PTPRD: variants seen among roughly 807,000 people sequenced by gnomAD.
The protein encoded by PTPRD is receptor-type tyrosine-protein phosphatase delta.
PTPRD carries 34 observed loss-of-function variants against 214.5 expected under a neutral mutation model. That is an observed-to-expected ratio of 0.16 (90% CI 0.12 to 0.21). The LOEUF is 0.21. Among genes scored for constraint, PTPRD ranks in the 10% least tolerant of loss-of-function variants. PTPRD has a pLI of 1.00. For missense variants in PTPRD, 2,545 were observed against 2,398.7 expected, an observed-to-expected ratio of 1.06 and a Z score of -1.27; for synonymous variants, 1,128 against 845.7, an observed-to-expected ratio of 1.33 and a Z score of -5.79.
intron 9 of PTPRD, among the ~76,000 whole-genome samples, chr9:9,279,242 A>T (rs1485205023): frequency 6.7e-6 from 1 of 150,104 alleles, no homozygotes; most frequent in East Asian, 2.0e-4. Context: ...ATATATCTAT[A>T]TAAGAATATG....
intron 9 of PTPRD, among the ~76,000 whole-genome samples, chr9:9,396,987 A>C (rs903422181): frequency 1.3e-5 from 2 of 152,060 alleles, no homozygotes; most frequent in Non-Finnish European, 2.9e-5. Context: ...CCAATGAATA[A>C]TCATAGCAAT....
Position 8,889,924 on chromosome 9 carries a change from T to C in PTPRD, c.-104+128773A>G, listed in dbSNP as rs535026558. Among the ~76,000 whole-genome samples, 171 of 152,342 alleles carry C rather than the reference T, an allele frequency of 1.1e-3. 1 individual carries two copies. The highest frequency in any genetic ancestry group is 3.5e-3 in the African/African-American group (144 of 41,592). The stretch of plus-strand genomic sequence containing the variant: ...CAAATTGTGCTGCTATAAACATGCA[T>C]GTGCAAGTGTCTCTTTCATATAATG... On this transcript the variant is annotated intron_variant, in intron 11 of 45. Coordinates refer to ENST00000381196, the MANE Select transcript of PTPRD (RefSeq NM_002839.4).
At chr9:10,292,061 A>G (rs2095542250) in intron 3 of PTPRD, among the ~76,000 whole-genome samples, 1 of 152,060 alleles carries the variant, frequency 6.6e-6, no homozygotes, top group East Asian at 1.9e-4. Flanking sequence ...TTTGGTCCCT[A>G]TATTATGAAA....
At chr9:8,555,868 C>T (rs961292586) in intron 14 of PTPRD, among the ~76,000 whole-genome samples, 15 of 152,128 alleles carry the variant, frequency 9.9e-5, no homozygotes, top group African/African-American at 2.9e-4. Context: ...CACTGGACCA[C>T]GGGTCAAGGT....
intron 9 of PTPRD, among the ~76,000 whole-genome samples, chr9:9,189,864 G>C (rs992197189): frequency 1.3e-5 from 2 of 151,878 alleles, no homozygotes; most frequent in Non-Finnish European, 2.9e-5. Flanking sequence ...ATCTTTCCAG[G>C]AATATGGTCA....
chr9:8,829,653 C>T (rs1005769549), intron 11 of PTPRD, among the ~76,000 whole-genome samples: 1 of 152,108 alleles, frequency 6.6e-6, no homozygotes, highest in Non-Finnish European at 1.5e-5. Context: ...CATCAACTAC[C>T]TCCTGGGAGC....
intron 7 of PTPRD, among the ~76,000 whole-genome samples, chr9:9,635,137 C>T (rs931223579): frequency 2.6e-5 from 4 of 152,098 alleles, no homozygotes; most frequent in South Asian, 4.1e-4. Flanking sequence ...CATCTGTAGC[C>T]ACACAAACTG....
intron 10 of PTPRD, among the ~76,000 whole-genome samples, chr9:9,064,042 C>G (rs2099717012): frequency 6.6e-6 from 1 of 152,076 alleles, no homozygotes; most frequent in Non-Finnish European, 1.5e-5. Context: ...CAAAAGATAT[C>G]AGCTGAGTGC....
intron 2 of PTPRD, among the ~76,000 whole-genome samples, chr9:10,421,858 T>C (rs1158431314): frequency 2.0e-5 from 3 of 151,966 alleles, no homozygotes; most frequent in East Asian, 1.9e-4. Context: ...ATTTTATTCA[T>C]ATGCCAATAA....
chr9:9,285,080 A>G (rs940146385), intron 9 of PTPRD, among the ~76,000 whole-genome samples: 3 of 151,820 alleles, frequency 2.0e-5, no homozygotes, highest in African/African-American at 7.2e-5. Context: ...ACCACCTAGT[A>G]TGTAATATAA....
chr9:9,314,157 TG>T (rs1224734318), intron 9 of PTPRD, among the ~76,000 whole-genome samples: 2 of 152,164 alleles, frequency 1.3e-5, no homozygotes, highest in Non-Finnish European at 2.9e-5. Context: ...TAAGATAGTC[TG>T]AATATGGTAA....
chr9:10,595,235 GA>G (rs978900324), intron 2 of PTPRD, among the ~76,000 whole-genome samples: 2 of 151,788 alleles, frequency 1.3e-5, no homozygotes, highest in African/African-American at 4.8e-5. Flanking sequence ...CTGATGTAAA[GA>G]ATTTTTTTAG....
intron 11 of PTPRD, among the ~76,000 whole-genome samples, chr9:8,757,907 T>C (rs2094136389): frequency 6.6e-6 from 1 of 152,128 alleles, no homozygotes; most frequent in South Asian, 2.1e-4. Context: ...ATAAAACACA[T>C]GACATTCATT....
intron 5 of PTPRD, among the ~76,000 whole-genome samples, chr9:9,822,774 T>C (rs1018011745): frequency 6.6e-6 from 1 of 152,126 alleles, no homozygotes; most frequent in African/African-American, 2.4e-5. Context: ...ATTTTTTGAG[T>C]GCTGACATGA....
chr9:9,120,104 T>G (rs1329999993), intron 10 of PTPRD, among the ~76,000 whole-genome samples: 1 of 152,156 alleles, frequency 6.6e-6, no homozygotes, highest in Non-Finnish European at 1.5e-5. Flanking sequence ...GAGCCCATGG[T>G]CTAAATAGCA....
intron 5 of PTPRD, among the ~76,000 whole-genome samples, chr9:9,862,177 T>C (rs1342971254): frequency 6.6e-6 from 1 of 152,114 alleles, no homozygotes; most frequent in African/African-American, 2.4e-5. Context: ...AAGACACCTC[T>C]TGCCAAACTT....
chr9:9,431,376 A>ATGGC lies in PTPRD; in HGVS notation c.-236-33898_-236-33895dup, dbSNP rs2083052695. On this transcript the variant is annotated intron_variant, in intron 8 of 45. Coordinates refer to ENST00000381196, the MANE Select transcript of PTPRD (RefSeq NM_002839.4). ...GAGATACCATCTCACACCAGTTAGAATGGCGATCATTAAAAAGTCAGGAAA... is the reference window on the plus strand; with the variant it reads ...GAGATACCATCTCACACCAGTTAGAATGGCTGGCGATCATTAAAAAGTCAGGAAA... Among the ~76,000 whole-genome samples, 3 of 152,264 alleles carry ATGGC rather than the reference A, an allele frequency of 2.0e-5. No homozygotes were observed. In the South Asian group the frequency reaches 6.2e-4, roughly 32 times the overall value.
chr9:8,387,888 A>T (rs1329872700), intron 37 of PTPRD, among the ~76,000 whole-genome samples: 1 of 152,202 alleles, frequency 6.6e-6, no homozygotes, highest in Non-Finnish European at 1.5e-5. Context: ...TTTTAAAGAA[A>T]CTGCTTGATA....
chr9:9,121,543 CTAT>C (rs1157733908), intron 10 of PTPRD, among the ~76,000 whole-genome samples: 4 of 152,088 alleles, frequency 2.6e-5, no homozygotes, highest in Admixed American at 2.6e-4. Flanking sequence ...AGTTTAGAGA[CTAT>C]TATTCTAAGT....
Sources: gnomAD v4.1 joint callset for allele counts (sites outside exome capture counted in the v4.1 genomes callset) on GRCh38, gnomAD v4.1.1 for gene constraint, MANE v1.5 for transcripts, NCBI Gene and HGNC (gene_info 2026-07-23, HGNC 2026-07-21) for gene names.